Variants in DDAH1 observed in about 807,000 individuals in gnomAD.
DDAH1 encodes N(G),N(G)-dimethylarginine dimethylaminohydrolase 1.
In DDAH1, 19 loss-of-function variants were observed where a neutral mutation model predicts 28.8. The ratio of observed to expected loss-of-function variants is 0.66; its 90% CI spans 0.46 to 0.97. The LOEUF is 0.97. Among genes scored for constraint, DDAH1 ranks in the 50% least tolerant of loss-of-function variants. DDAH1 has a pLI of 0.00. For synonymous variants in DDAH1, 153 were observed against 154.4 expected, an observed-to-expected ratio of 0.99 and a Z score of 0.07; for missense variants, 326 against 375.9, an observed-to-expected ratio of 0.87 and a Z score of 1.10.
At chr1:85,454,323 A>G (rs982895013) in intron 1 of DDAH1, among the ~76,000 whole-genome samples, 7 of 152,212 alleles carry the variant, frequency 4.6e-5, no homozygotes, top group African/African-American at 1.7e-4. Context: ...ACATAGAACT[A>G]TGGACTCATC....
chr1:85,454,990 T>C (rs1361534729), intron 1 of DDAH1, among the ~76,000 whole-genome samples: 2 of 152,174 alleles, frequency 1.3e-5, no homozygotes, highest in East Asian at 3.8e-4. Context: ...AACTGTGTAT[T>C]TTTCAGAGAA....
At chr1:85,501,302 G>A (rs1005186961) in intron 1 of DDAH1, among the ~76,000 whole-genome samples, 18 of 152,032 alleles carry the variant, frequency 1.2e-4, no homozygotes, top group African/African-American at 1.7e-4. Flanking sequence ...TCCTCCTACC[G>A]CCTGGCCTTT....
Position 85,464,880 on chromosome 1 carries a change from T to G in DDAH1, c.166A>C (p.Ser56Arg). Reference sequence around the variant, plus strand: ...TCCACCACCTGCAGCCCCAGCTTGCTGCCCAGCACGCCCACGTAGAGCTGG... The same window carrying G: ...TCCACCACCTGCAGCCCCAGCTTGCGGCCCAGCACGCCCACGTAGAGCTGG... ...QHQLYVGVLG[S>R]KLGLQVVELP... The change falls in exon 1 of 6, where the codon AGC becomes CGC. Residue 56 changes from serine (S) to arginine (R), a missense_variant. By Grantham distance (110) the Ser-to-Arg change is moderately radical. Coordinates refer to ENST00000284031, the MANE Select transcript of DDAH1 (RefSeq NM_012137.4). This position sits in a 1 kb window ranked among gnomAD's most constrained non-coding sequence, Gnocchi z 4.4. The G allele has an allele frequency of 1.3e-6, 2 of 1,581,524 alleles. No homozygotes were observed. Among genetic ancestry groups the G allele is most frequent in the Non-Finnish European group, 1.7e-6 (2 of 1,173,160 alleles).
At position 85,404,115 on chromosome 1, in the gene DDAH1, G is replaced by A. The variant is rs537577473; in HGVS notation, c.304-45268C>T. Among the ~76,000 whole-genome samples, 34 of 151,386 alleles carry A rather than the reference G, an allele frequency of 2.2e-4. 1 individual carries two copies. In the East Asian group the frequency reaches 3.5e-3, roughly 15 times the overall value. On this transcript the variant is annotated intron_variant, in intron 1 of 5. Coordinates refer to ENST00000284031, the MANE Select transcript of DDAH1 (RefSeq NM_012137.4). ...TTCTAAAATATTTTTAAGCCCATAC[G>A]AAAGAAAAAAAAGGCTTATGGAATT...
At chr1:85,471,713 T>A (rs1292763519) in intron 2 of DDAH1, among the ~76,000 whole-genome samples, 1 of 152,184 alleles carries the variant, frequency 6.6e-6, no homozygotes, top group African/African-American at 2.4e-5. Context: ...TTTCACTACT[T>A]AAAATACCCA....
intron 1 of DDAH1, among the ~76,000 whole-genome samples, chr1:85,379,959 G>C (rs1347576894): frequency 6.6e-6 from 1 of 152,180 alleles, no homozygotes; most frequent in African/African-American, 2.4e-5. Flanking sequence ...TCTAACAGCT[G>C]TCCCTTCTCA....
At chr1:85,546,915 G>C (rs1450120994) in intron 1 of DDAH1, among the ~76,000 whole-genome samples, 1 of 152,070 alleles carries the variant, frequency 6.6e-6, no homozygotes, top group African/African-American at 2.4e-5. Context: ...TGGTGTTTGG[G>C]GATAGAAATA....
At chr1:85,430,447 T>C (rs1156239327) in intron 1 of DDAH1, among the ~76,000 whole-genome samples, 1 of 152,224 alleles carries the variant, frequency 6.6e-6, no homozygotes, top group African/African-American at 2.4e-5. Flanking sequence ...AAGTCAGTGG[T>C]AGCTAGATGT....
intron 1 of DDAH1, among the ~76,000 whole-genome samples, chr1:85,516,197 G>GA (rs1427368512): frequency 6.6e-6 from 1 of 151,908 alleles, no homozygotes; most frequent in African/African-American, 2.4e-5. Context: ...AATTTGCTAG[G>GA]GAGACTACAG....
Position 85,354,144 on chromosome 1 carries a change from C to T in DDAH1, c.404-2565G>A, listed in dbSNP as rs1010720453. ...TCTTTTGTGTCATTTTCTTCTATGC[C>T]AATTCACAATTTTTGTTTTTCCCCT... On this transcript the variant is annotated intron_variant, in intron 2 of 5. Transcript: ENST00000284031. 5.9e-5 allele frequency among the ~76,000 whole-genome samples: 9 copies of T among 152,090 alleles called. No individual in the cohort carries two copies. The South Asian group carries it at 1.0e-3, about 18-fold the overall frequency.
intron 1 of DDAH1, among the ~76,000 whole-genome samples, chr1:85,545,553 A>G (rs1457514227): frequency 6.6e-6 from 1 of 152,176 alleles, no homozygotes; most frequent in Non-Finnish European, 1.5e-5. Flanking sequence ...GACCTCTTTC[A>G]CTAGGAAAAC....
intron 1 of DDAH1, among the ~76,000 whole-genome samples, chr1:85,409,037 A>T (rs1168207978): frequency 1.3e-5 from 2 of 152,180 alleles, no homozygotes; most frequent in African/African-American, 2.4e-5. Flanking sequence ...AACTTGTCCA[A>T]CCCACAACCT....
upstream of DDAH1, among the ~76,000 whole-genome samples, chr1:85,468,903 T>G (rs1202311773): frequency 6.6e-6 from 1 of 152,162 alleles, no homozygotes; most frequent in Non-Finnish European, 1.5e-5. Flanking sequence ...GTTACCATGA[T>G]TCAATTACCT....
intron 4 of DDAH1, among the ~76,000 whole-genome samples, chr1:85,343,090 A>G (rs950651073): frequency 6.6e-6 from 1 of 152,204 alleles, no homozygotes; most frequent in Non-Finnish European, 1.5e-5. Flanking sequence ...CTATAGAGTC[A>G]GTTTAATACT....
At chr1:85,443,934 T>C (rs1399803196) in intron 1 of DDAH1, among the ~76,000 whole-genome samples, 1 of 152,228 alleles carries the variant, frequency 6.6e-6, no homozygotes, top group Non-Finnish European at 1.5e-5. Flanking sequence ...CGGGGTTTTC[T>C]AAATATAGAA....
At chr1:85,479,887 A>G (rs1187190482) in intron 2 of DDAH1, among the ~76,000 whole-genome samples, 1 of 152,158 alleles carries the variant, frequency 6.6e-6, no homozygotes, top group Admixed American at 6.6e-5. Flanking sequence ...CTGATTTGGG[A>G]ATTTTTGTAA....
chr1:85,540,073 AAATT>A (rs1474751874), intron 1 of DDAH1, among the ~76,000 whole-genome samples: 1 of 152,144 alleles, frequency 6.6e-6, no homozygotes, highest in Non-Finnish European at 1.5e-5. Flanking sequence ...TTTTAATAAA[AAATT>A]ATTACATTAA....
At chr1:85,410,950 A>C (rs1047721019) in intron 1 of DDAH1, among the ~76,000 whole-genome samples, 2 of 152,150 alleles carry the variant, frequency 1.3e-5, no homozygotes, top group African/African-American at 2.4e-5. Context: ...GGAGGGAGAC[A>C]GTATAAAAGG....
At chr1:85,536,424 A>C (rs1346149037) in intron 1 of DDAH1, among the ~76,000 whole-genome samples, 1 of 146,052 alleles carries the variant, frequency 6.8e-6, no homozygotes, top group Non-Finnish European at 1.5e-5. Flanking sequence ...GTGGGGGCAC[A>C]TGCCTGTAAT....
Sources: gnomAD v4.1 joint callset for allele counts (sites outside exome capture counted in the v4.1 genomes callset) on GRCh38, gnomAD v4.1.1 for gene constraint, Gnocchi (gnomAD v3.1) non-coding constraint, MANE v1.5 for transcripts, NCBI Gene and HGNC (gene_info 2026-07-23, HGNC 2026-07-21) for gene names.